The following TMEM108 variants were observed in gnomAD, a reference collection of about 807,000 sequenced individuals.
TMEM108 encodes the protein cancer/testis antigen 124.
Under a neutral mutation model 35.1 loss-of-function variants are expected in TMEM108, and 12 were observed. That is an observed-to-expected ratio of 0.34 (90% CI 0.22 to 0.55). The LOEUF is 0.55. Among genes scored for constraint, TMEM108 ranks in the 20% least tolerant of loss-of-function variants. The probability of loss-of-function intolerance (pLI) is 0.89; values close to 1 mark genes in which losing one functional copy is unlikely to be tolerated. For synonymous variants in TMEM108, 287 were observed against 308.6 expected (o/e 0.93, Z 0.73); for missense variants, 680 against 753.3 (o/e 0.90, Z 1.14).
At chr3:133,155,830 G>GT in intron 2 of TMEM108, among the ~76,000 whole-genome samples, 1 of 152,052 alleles carries the variant, frequency 6.6e-6, no homozygotes, top group Admixed American at 6.5e-5. Context: ...CTTTTGCTGT[G>GT]CAAAAGCTCT....
chr3:133,285,749 G>A (rs1946974872), intron 3 of TMEM108, among the ~76,000 whole-genome samples: 1 of 152,138 alleles, frequency 6.6e-6, no homozygotes. Flanking sequence ...TTTCCTGCAA[G>A]AGCTAGACCA....
intron 2 of TMEM108, among the ~76,000 whole-genome samples, chr3:133,228,594 C>A (rs1423798548): frequency 6.6e-6 from 1 of 152,036 alleles, no homozygotes; most frequent in African/African-American, 2.4e-5. Context: ...GCTATTTCTG[C>A]TGCTAAGGAG....
Position 133,173,985 on chromosome 3 carries a change from C to G in TMEM108, c.-46-55281C>G, listed in dbSNP as rs185393007. 2.6e-5 allele frequency among the ~76,000 whole-genome samples: 4 copies of G among 152,352 alleles called. No homozygotes were observed. In the East Asian group the frequency reaches 7.7e-4, roughly 29 times the overall value. On this transcript the variant is annotated intron_variant, in intron 2 of 5. Coordinates refer to ENST00000321871, the MANE Select transcript of TMEM108 (RefSeq NM_023943.4). ...AAATCGGGTCACTCCCACCCTCATA[C>G]TGCACTTTTCCAATGGTCTTAGCAA... is the stretch of plus-strand genomic sequence containing the variant.
At position 133,380,546 on chromosome 3, in the gene TMEM108, G is replaced by A; in HGVS notation, c.835G>A (p.Gly279Ser). 1 of 1,614,036 alleles carries A rather than the reference G, an allele frequency of 6.2e-7. No homozygotes were observed. The highest frequency in any genetic ancestry group is 1.3e-5 in the African/African-American group (1 of 75,050). Residue 279 changes from glycine to serine, a missense_variant, in exon 4 of 6, where the codon GGC becomes AGC. Transcript: ENST00000321871. The surrounding 1 kb of genome is among the most constrained non-coding windows in gnomAD (Gnocchi z 5.3). ...TSLGPAKDKP[G>S]LRRAAQGGGS... is the part of the protein sequence containing the mutation. The stretch of plus-strand genomic sequence containing the variant: ...CCTGGGGCCTGCAAAGGACAAGCCA[G>A]GCCTTCGCAGAGCAGCCCAGGGGGG...
intron 2 of TMEM108, among the ~76,000 whole-genome samples, chr3:133,188,753 A>T (rs1480288480): frequency 6.6e-6 from 1 of 152,180 alleles, no homozygotes; most frequent in African/African-American, 2.4e-5. Context: ...CCAAAATCTC[A>T]GTGGTTTGAC....
At chr3:133,243,785 A>G (rs1425398133) in intron 3 of TMEM108, among the ~76,000 whole-genome samples, 1 of 152,016 alleles carries the variant, frequency 6.6e-6, no homozygotes, top group Non-Finnish European at 1.5e-5. Context: ...GGCCTCCCAA[A>G]AGTGCTGGGA....
intron 3 of TMEM108, among the ~76,000 whole-genome samples, chr3:133,262,873 G>A (rs926250766): frequency 3.9e-5 from 6 of 152,288 alleles, no homozygotes; most frequent in Admixed American, 1.3e-4. Flanking sequence ...TCTGACAGGC[G>A]TCTTTTCCAA....
chr3:133,342,544 G>GTGTA lies in TMEM108; in HGVS notation c.41-37207_41-37206insGTAT, dbSNP rs1437254898. ...TAAAAAAGTTAAAAAAGAAAATGTG[G>GTGTA]TATATATATATACACACACACACAC... On this transcript the variant is annotated intron_variant, in intron 3 of 5. Coordinates refer to ENST00000321871, the MANE Select transcript of TMEM108 (RefSeq NM_023943.4). Among the ~76,000 whole-genome samples, 20 of 46,640 alleles carry GTGTA rather than the reference G, an allele frequency of 4.3e-4. 5 individuals carry two copies. Among genetic ancestry groups the GTGTA allele is most frequent in the South Asian group, 2.2e-3 (3 of 1,374 alleles). The allele number at this position is 46,640 out of a possible 152,430, so 30.6% of individuals were successfully genotyped here. A position where few individuals can be genotyped will look rare whatever the true frequency, so the allele number is the denominator to read the frequency against.
At chr3:133,049,455 C>T (rs1043654939) in intron 2 of TMEM108, among the ~76,000 whole-genome samples, 1 of 152,134 alleles carries the variant, frequency 6.6e-6, no homozygotes, top group African/African-American at 2.4e-5. Flanking sequence ...GTGAAGACCC[C>T]TGTTTGTCAG....
intron 3 of TMEM108, among the ~76,000 whole-genome samples, chr3:133,367,504 T>C (rs1483659032): frequency 6.6e-6 from 1 of 152,176 alleles, no homozygotes; most frequent in East Asian, 1.9e-4. Flanking sequence ...TGCCTTGAAA[T>C]GGGAAATTAG....
At chr3:133,295,405 G>A (rs1461901115) in intron 3 of TMEM108, among the ~76,000 whole-genome samples, 1 of 152,140 alleles carries the variant, frequency 6.6e-6, no homozygotes, top group Non-Finnish European at 1.5e-5. Context: ...GAACTCCTGG[G>A]CCCACTGTTT....
chr3:133,187,609 G>A (rs1945438892), intron 2 of TMEM108, among the ~76,000 whole-genome samples: 1 of 152,134 alleles, frequency 6.6e-6, no homozygotes, highest in Non-Finnish European at 1.5e-5. Context: ...AATTAGCTAG[G>A]CATGTTGGCA....
At chr3:133,333,398 G>T (rs2071423648) in intron 3 of TMEM108, among the ~76,000 whole-genome samples, 1 of 151,804 alleles carries the variant, frequency 6.6e-6, no homozygotes, top group Non-Finnish European at 1.5e-5. Context: ...TAAACTTAGA[G>T]CCAGAAAGAC....
At chr3:133,085,491 A>G (rs890476422) in intron 2 of TMEM108, among the ~76,000 whole-genome samples, 1 of 152,210 alleles carries the variant, frequency 6.6e-6, no homozygotes, top group African/African-American at 2.4e-5. Flanking sequence ...AATTGTGTAT[A>G]AGGATTTCCC....
intron 3 of TMEM108, among the ~76,000 whole-genome samples, chr3:133,314,429 A>G (rs1390090249): frequency 1.9e-4 from 29 of 152,240 alleles, no homozygotes; most frequent in Non-Finnish European, 1.5e-5. Flanking sequence ...TGTGATTTCA[A>G]TGATGGAACG....
intron 1 of TMEM108, among the ~76,000 whole-genome samples, chr3:133,045,417 T>A (rs1168034773): frequency 6.6e-6 from 1 of 152,184 alleles, no homozygotes; most frequent in Non-Finnish European, 1.5e-5. Context: ...CTGTCTTTCT[T>A]CATGATTGGG....
chr3:133,167,164 G>T (rs1222113049), intron 2 of TMEM108, among the ~76,000 whole-genome samples: 1 of 152,218 alleles, frequency 6.6e-6, no homozygotes, highest in African/African-American at 2.4e-5. Flanking sequence ...GCACTGATTG[G>T]TGCGTTTACA....
At chr3:133,162,012 A>G (rs1944968133) in intron 2 of TMEM108, among the ~76,000 whole-genome samples, 2 of 152,216 alleles carry the variant, frequency 1.3e-5, no homozygotes, top group African/African-American at 2.4e-5. Context: ...GGTTGGGAAT[A>G]CTCAAGTTGA....
chr3:133,286,257 A>G (rs1946983812), intron 3 of TMEM108, among the ~76,000 whole-genome samples: 1 of 152,360 alleles, frequency 6.6e-6, no homozygotes, highest in East Asian at 1.9e-4. Flanking sequence ...AAACCTGTAG[A>G]AATAGAACAA....
Sources: gnomAD v4.1 joint callset for allele counts (sites outside exome capture counted in the v4.1 genomes callset) on GRCh38, gnomAD v4.1.1 for gene constraint, Gnocchi (gnomAD v3.1) non-coding constraint, MANE v1.5 for transcripts, NCBI Gene and HGNC (gene_info 2026-07-23, HGNC 2026-07-21) for gene names.